XIRP2: variants seen among roughly 807,000 people sequenced by gnomAD.
XIRP2 encodes xin actin-binding repeat-containing protein 2.
Under a neutral mutation model 277.0 loss-of-function variants are expected in XIRP2, and 236 were observed. The observed-to-expected ratio is 0.85, with a 90% CI of 0.77 to 0.95. XIRP2 has a LOEUF of 0.95. Among genes scored for constraint, XIRP2 ranks in the 40% least tolerant of loss-of-function variants. XIRP2 has a pLI of 0.00. For missense variants in XIRP2, 4,640 were observed against 4,157.5 expected (o/e 1.12, Z -3.19); for synonymous variants, 1,490 against 1,416.5 (o/e 1.05, Z -1.17).
rs112761050 is a variant in XIRP2, at chr2:167,006,866, G to A, written c.408+102976G>A. Among the ~76,000 whole-genome samples, 1,018 of 151,610 alleles carry A rather than the reference G, an allele frequency of 6.7e-3. 12 individuals carry two copies. The highest frequency in any genetic ancestry group is 0.023 in the African/African-American group (955 of 41,394). ...GTAAACCTTTCTTATCCTTCTCAAG[G>A]CCTCATCTTTCCCATTCTTTAATAT... On this transcript the variant is annotated intron_variant, in intron 2 of 10. Transcript: ENST00000409195.
chr2:167,113,254 G>T (rs747049194), intron 2 of XIRP2, among the ~76,000 whole-genome samples: 1 of 152,106 alleles, frequency 6.6e-6, no homozygotes, highest in Admixed American at 6.6e-5. Flanking sequence ...GCGTGTTAAA[G>T]TCTCTCCCTA....
At chr2:166,978,258 C>T (rs139269744) in intron 2 of XIRP2, among the ~76,000 whole-genome samples, 2 of 152,188 alleles carry the variant, frequency 1.3e-5, no homozygotes, top group African/African-American at 4.8e-5. Flanking sequence ...CATGTCACTA[C>T]CACTGTCTAT....
At chr2:167,215,623 T>G (rs1186756811) in intron 4 of XIRP2, among the ~76,000 whole-genome samples, 5 of 152,164 alleles carry the variant, frequency 3.3e-5, no homozygotes, top group Non-Finnish European at 7.4e-5. Context: ...CCCAGTTACT[T>G]TCAAGGTCTT....
At chr2:167,181,656 G>C (rs1284947183) in intron 3 of XIRP2, among the ~76,000 whole-genome samples, 1 of 151,938 alleles carries the variant, frequency 6.6e-6, no homozygotes, top group Non-Finnish European at 1.5e-5. Context: ...AAATATCATT[G>C]ATTCTCTATA....
At position 167,249,837 on chromosome 2, in the gene XIRP2, T is replaced by A. The variant is rs759546939; in HGVS notation, c.8445T>A (p.Leu2815=). 1 of 1,613,238 alleles carries A rather than the reference T, an allele frequency of 6.2e-7. No homozygotes were observed. The highest frequency in any genetic ancestry group is 1.1e-5 in the South Asian group (1 of 91,052). Residue 2815 remains leucine, a synonymous_variant, in exon 9 of 11, where the codon CTT becomes CTA. Transcript: ENST00000409195. The part of the protein sequence containing the change: ...REFSGSDRGK[L]PGSEEKNQGP... ...TTAGCGGATCTGACAGAGGGAAACT[T>A]CCAGGAAGTGAAGAAAAAAATCAGG... is the stretch of plus-strand genomic sequence containing the variant.
intron 2 of XIRP2, among the ~76,000 whole-genome samples, chr2:166,979,343 C>CCTTTT (rs770470679): frequency 0.013 from 1,855 of 142,870 alleles, 24 homozygotes; most frequent in South Asian, 0.038. Context: ...GGCTGTGTTT[C>CCTTTT]CTTTTCTTTT....
intron 2 of XIRP2, among the ~76,000 whole-genome samples, chr2:167,027,564 TGGA>T (rs1688205100): frequency 6.6e-6 from 1 of 152,164 alleles, no homozygotes; most frequent in Non-Finnish European, 1.5e-5. Context: ...TGCATTCCTT[TGGA>T]GGAGGAGAGG....
rs527293910 is a variant in XIRP2 at position 167,250,773 on chromosome 2, A to C, written c.9381A>C (p.Glu3127Asp). Reference protein sequence around the residue: ...RPPSPTFITIESTARRTENPT... With the variant: ...RPPSPTFITIDSTARRTENPT... ...CGTCACCAACTTTTATCACAATAGAATCTACTGCCCGACGAACAGAAAACC... is the reference window on the plus strand; with the variant it reads ...CGTCACCAACTTTTATCACAATAGACTCTACTGCCCGACGAACAGAAAACC... Residue 3127 changes from glutamate (E) to aspartate (D), a missense_variant, in exon 9 of 11, where the codon GAA becomes GAC. Transcript: ENST00000409195. 6.2e-7 allele frequency: 1 copy of C among 1,613,580 alleles called. No homozygotes were observed. The highest frequency in any genetic ancestry group is 1.7e-5 in the Admixed American group (1 of 59,976).
In XIRP2 at chr2:167,249,886, G is replaced by C; in HGVS notation, c.8494G>C (p.Glu2832Gln). The C allele has an allele frequency of 6.2e-7, 1 of 1,613,482 alleles. No homozygotes were observed. Among genetic ancestry groups the C allele is most frequent in the East Asian group, 2.2e-5 (1 of 44,804 alleles). Residue 2832 changes from glutamate (E) to glutamine (Q), a missense_variant, in exon 9 of 11, where the codon GAA becomes CAA. Transcript: ENST00000409195. ...GGGACCATCAATGATTGGTCGAAAA[G>C]AAGAGAGATTAATAACTGAAAGAAA... is the stretch of plus-strand genomic sequence containing the variant. ...NQGPSMIGRKEERLITERKHE... is the reference protein window; with the variant it reads ...NQGPSMIGRKQERLITERKHE...
intron 2 of XIRP2, among the ~76,000 whole-genome samples, chr2:167,007,679 A>ACTCTCTCTCTCTCT (rs145843756): frequency 2.1e-5 from 3 of 142,280 alleles, no homozygotes; most frequent in African/African-American, 5.3e-5. Flanking sequence ...CCACATGTAC[A>ACTCTCTCTCTCTCT]CTCTCTCTCT....
At chr2:167,021,056 C>A (rs1161832008) in intron 2 of XIRP2, among the ~76,000 whole-genome samples, 1 of 152,010 alleles carries the variant, frequency 6.6e-6, no homozygotes, top group Non-Finnish European at 1.5e-5. Context: ...TCATCCCTGG[C>A]TGCATGTTAG....
At chr2:166,913,318 C>T (rs560446269) in intron 2 of XIRP2, among the ~76,000 whole-genome samples, 20 of 149,260 alleles carry the variant, frequency 1.3e-4, no homozygotes, top group East Asian at 5.9e-4. Flanking sequence ...GCACCCCCCC[C>T]CCCCAGCCTC....
At chr2:167,222,568 A>G (rs1028139018) in intron 5 of XIRP2, among the ~76,000 whole-genome samples, 2 of 152,156 alleles carry the variant, frequency 1.3e-5, no homozygotes, top group African/African-American at 4.8e-5. Flanking sequence ...TTGTTTTAGG[A>G]TTGAATTCTC....
At chr2:167,095,138 T>A (rs1690264065) in intron 2 of XIRP2, among the ~76,000 whole-genome samples, 1 of 152,228 alleles carries the variant, frequency 6.6e-6, no homozygotes, top group Admixed American at 6.5e-5. Context: ...TGTATAGGAA[T>A]GCTTGTGATT....
At chr2:167,234,540 C>T (rs1375388180) in intron 5 of XIRP2, among the ~76,000 whole-genome samples, 1 of 151,540 alleles carries the variant, frequency 6.6e-6, no homozygotes, top group Non-Finnish European at 1.5e-5. Context: ...ATGAGTGAAG[C>T]TCTACAAGGT....
chr2:167,082,883 T>A (rs1313621245), intron 2 of XIRP2, among the ~76,000 whole-genome samples: 1 of 152,106 alleles, frequency 6.6e-6, no homozygotes, highest in East Asian at 1.9e-4. Flanking sequence ...TTTTCTCCCA[T>A]TTTGTAGGTT....
chr2:167,090,851 C>T (rs1253237445), intron 2 of XIRP2, among the ~76,000 whole-genome samples: 2 of 152,094 alleles, frequency 1.3e-5, no homozygotes, highest in Non-Finnish European at 2.9e-5. Context: ...ATTCATGAGG[C>T]ATCTGCCCCC....
At chr2:167,022,171 C>A (rs940299661) in intron 2 of XIRP2, among the ~76,000 whole-genome samples, 3 of 152,024 alleles carry the variant, frequency 2.0e-5, no homozygotes, top group Admixed American at 1.3e-4. Flanking sequence ...GGAAGAATAT[C>A]TTTACAAACT....
At chr2:167,050,156 T>C (rs1372125720) in intron 2 of XIRP2, among the ~76,000 whole-genome samples, 1 of 152,058 alleles carries the variant, frequency 6.6e-6, no homozygotes, top group Non-Finnish European at 1.5e-5. Context: ...TTTTGCTTTC[T>C]TATAGTTCTT....
Sources: gnomAD v4.1 joint callset for allele counts (sites outside exome capture counted in the v4.1 genomes callset) on GRCh38, gnomAD v4.1.1 for gene constraint, MANE v1.5 for transcripts, NCBI Gene and HGNC (gene_info 2026-07-23, HGNC 2026-07-21) for gene names.